The following ABCA4 variants were observed in gnomAD, a reference collection of about 807,000 sequenced individuals.
ABCA4 encodes ATP binding cassette subfamily A member 4.
Under a neutral mutation model 263.7 loss-of-function variants are expected in ABCA4, and 196 were observed. The ratio of observed to expected loss-of-function variants is 0.74; its 90% CI spans 0.66 to 0.84. ABCA4 has a LOEUF of 0.84. Ranked by LOEUF, ABCA4 falls within the 40% of genes least tolerant of loss-of-function variation. The probability of loss-of-function intolerance (pLI) is 0.00; values close to 1 mark genes in which losing one functional copy is unlikely to be tolerated. For missense variants in ABCA4, 2,792 were observed against 2,855.1 expected (o/e 0.98, Z 0.50); for synonymous variants, 1,133 against 1,094.2 (o/e 1.04, Z -0.70).
chr1:94,019,853 A>C, intron 35 of ABCA4, 94 bp from the exon 36 acceptor site: 1 of 1,399,774 alleles, frequency 7.1e-7, no homozygotes, highest in Admixed American at 2.0e-5. Context: ...AAGGCCTTAC[A>C]CCCGCCCAGG....
chr1:94,095,880 C>G (rs1662113399), intron 6 of ABCA4, among the ~76,000 whole-genome samples: 1 of 151,194 alleles, frequency 6.6e-6, no homozygotes, highest in African/African-American at 2.4e-5. Context: ...GAGACGGAAG[C>G]AGGAGTGAGA....
chr1:94,007,427 A>G (rs1659420815), intron 43 of ABCA4, among the ~76,000 whole-genome samples: 1 of 152,118 alleles, frequency 6.6e-6, no homozygotes, highest in Non-Finnish European at 1.5e-5. Context: ...CAACAGAGGA[A>G]TCTCTTAACT....
rs1557778273 is a variant in ABCA4, at chr1:94,042,884, T to C, written c.3205A>G (p.Lys1069Glu). 3 of 1,614,156 alleles carry C rather than the reference T, an allele frequency of 1.9e-6. No individual in the cohort carries two copies. Among genetic ancestry groups the C allele is most frequent in the Non-Finnish European group, 2.5e-6 (3 of 1,180,038 alleles). The change falls in exon 22 of 50, where the codon AAG becomes GAG. Residue 1069 changes from lysine (K) to glutamate (E), a missense_variant. Coordinates refer to ENST00000370225, the MANE Select transcript of ABCA4 (RefSeq NM_000350.3). ...AQDLSGGMQRKLSVAIAFVGD... is the reference protein window; with the variant it reads ...AQDLSGGMQRELSVAIAFVGD... ...ACAAAGGCAATGGCAACCGACAGCT[T>C]TCTCTGCATGCCACCTGGAGGCACA...
At chr1:94,006,162 A>G (rs113587794) in intron 43 of ABCA4, among the ~76,000 whole-genome samples, 111 of 152,336 alleles carry the variant, frequency 7.3e-4, no homozygotes, top group African/African-American at 2.6e-3. Context: ...ATACATAGAC[A>G]TTTAGTCTAA....
intron 3 of ABCA4, among the ~76,000 whole-genome samples, chr1:94,110,096 G>T (rs542357506): frequency 6.6e-6 from 1 of 152,334 alleles, no homozygotes; most frequent in African/African-American, 2.4e-5. Flanking sequence ...TGGATGGGCA[G>T]GTGTTTCTTA....
At chr1:94,024,915 G>T in intron 31 of ABCA4, 39 bp downstream of exon 31, 1 of 1,509,922 alleles carries the variant, frequency 6.6e-7, no homozygotes, top group African/African-American at 1.4e-5. Context: ...ATCTTCTACA[G>T]GGAGCCAGGA....
intron 19 of ABCA4, among the ~76,000 whole-genome samples, chr1:94,046,280 T>TAAAAAAA (rs11289565): frequency 3.4e-4 from 26 of 77,016 alleles, no homozygotes; most frequent in South Asian, 8.8e-4. Context: ...CTGTCTGTAC[T>TAAAAAAA]AAAAAAAAAA....
chr1:94,084,878 T>C (rs56051203), intron 6 of ABCA4, among the ~76,000 whole-genome samples: 169 of 152,256 alleles, frequency 1.1e-3, no homozygotes, highest in African/African-American at 3.7e-3. Context: ...GAAGAGTGGG[T>C]GTGAAGGGAG....
chr1:94,059,577 C>T (rs1350755851), intron 14 of ABCA4: 2 of 152,088 alleles, frequency 1.3e-5, no homozygotes, highest in Non-Finnish European at 2.9e-5. Flanking sequence ...AGGTGGGTAC[C>T]AGATATGGGC....
At chr1:94,023,291 T>C in intron 32 of ABCA4, 95 bp downstream of exon 32, 1 of 1,053,578 alleles carries the variant, frequency 9.5e-7, no homozygotes, top group East Asian at 2.6e-5. Context: ...GAACAGCCCC[T>C]CCTCATGGCT....
chr1:93,997,959 A>C lies in ABCA4; in HGVS notation c.6631T>G (p.Ser2211Ala), dbSNP rs1224505996. 6.2e-7 allele frequency: 1 copy of C among 1,614,012 alleles called. No homozygotes were observed. The highest frequency in any genetic ancestry group is 8.5e-7 in the Non-Finnish European group (1 of 1,180,030). The change falls in exon 48 of 50, where the codon TCC (serine) becomes GCC (alanine). Residue 2211 changes from serine to alanine, a missense_variant. Physicochemically the swap from Ser to Ala is moderately conservative, Grantham distance 99. Transcript: ENST00000370225. ...RHYNMLQFQVSSSSLARIFQL... is the reference protein window; with the variant it reads ...RHYNMLQFQVASSSLARIFQL... Reference sequence around the variant, plus strand: ...AAGATCCTCGCCAGGGAGGAGGAGGAGACCTGGAACTGGAGCATGTTGTAG... The same window carrying C: ...AAGATCCTCGCCAGGGAGGAGGAGGCGACCTGGAACTGGAGCATGTTGTAG...
intron 30 of ABCA4, among the ~76,000 whole-genome samples, chr1:94,026,177 T>C (rs1660034897): frequency 6.6e-6 from 1 of 152,214 alleles, no homozygotes; most frequent in Non-Finnish European, 1.5e-5. Flanking sequence ...ACCGCCGTTA[T>C]TGCGCACCAT....
intron 26 of ABCA4, among the ~76,000 whole-genome samples, chr1:94,035,710 G>A (rs909453852): frequency 3.9e-5 from 6 of 152,216 alleles, no homozygotes; most frequent in African/African-American, 1.4e-4. Flanking sequence ...AGCTTTGCCT[G>A]TACCAGGAGA....
intron 38 of ABCA4, 61 bp downstream of exon 38, chr1:94,014,482 G>A (rs529750839): frequency 5.1e-5 from 82 of 1,592,792 alleles, no homozygotes; most frequent in African/African-American, 2.0e-4. Context: ...GGCTCTGCTC[G>A]ACCAACACAT....
At chr1:94,014,402 G>A (rs975625795) in intron 38 of ABCA4, 141 bp downstream of exon 38, 3 of 919,752 alleles carry the variant, frequency 3.3e-6, no homozygotes, top group African/African-American at 3.3e-5. Flanking sequence ...AAGGAGGCAG[G>A]GTCGGGGGTA....
At chr1:94,095,537 C>CA in intron 6 of ABCA4, among the ~76,000 whole-genome samples, 1 of 152,336 alleles carries the variant, frequency 6.6e-6, no homozygotes, top group South Asian at 2.1e-4. Flanking sequence ...GGCTGCGCGC[C>CA]AACCAGCTGC....
chr1:94,033,455 T>G (rs1660259823), intron 26 of ABCA4, among the ~76,000 whole-genome samples: 1 of 150,048 alleles, frequency 6.7e-6, no homozygotes, highest in Non-Finnish European at 1.5e-5. Context: ...AAAAAGAACA[T>G]TTCACAGGAT....
In ABCA4 at chr1:94,032,001, G is replaced by A; in HGVS notation, c.3905C>T (p.Pro1302Leu). 6.2e-7 allele frequency: 1 copy of A among 1,613,726 alleles called. No homozygotes were observed. Among genetic ancestry groups the A allele is most frequent in the Non-Finnish European group, 8.5e-7 (1 of 1,180,036 alleles). The change falls in exon 27 of 50, where the codon CCC (proline) becomes CTC (leucine). Residue 1302 changes from proline (P) to leucine (L), a missense_variant. By Grantham distance (98) the Pro-to-Leu change is moderately conservative. Transcript: ENST00000370225. ...QKRENVNPRH[P>L]CLGPREKAGQ... ...AGCCTTCTCTCTGGGACCCAAGCAG[G>A]GGTGTCGGGGGTTGACGTTTTCTCT...
intron 6 of ABCA4, among the ~76,000 whole-genome samples, chr1:94,088,935 G>T (rs1284703527): frequency 2.6e-5 from 4 of 152,226 alleles, no homozygotes; most frequent in African/African-American, 9.6e-5. Context: ...CATCAGTTTT[G>T]ATTATTTTCT....
Sources: allele counts gnomAD v4.1 joint callset (sites outside exome capture counted in the v4.1 genomes callset), GRCh38; gene constraint gnomAD v4.1.1; transcripts MANE v1.5; gene names NCBI Gene and HGNC (gene_info 2026-07-23, HGNC 2026-07-21).